NDUFS4: variants seen among roughly 807,000 people sequenced by gnomAD.
The protein encoded by NDUFS4 is NADH dehydrogenase [ubiquinone] iron-sulfur protein 4, mitochondrial.
A neutral mutation model predicts 24.3 loss-of-function variants in NDUFS4; 28 were observed. That is an observed-to-expected ratio of 1.15 (90% CI 0.85 to 1.58). The LOEUF is 1.58. Among genes scored for constraint, NDUFS4 ranks in the 40% most tolerant of loss-of-function variants. NDUFS4 has a pLI of 0.00. For synonymous variants in NDUFS4, 93 were observed against 69.7 expected (o/e 1.34, Z -1.67); for missense variants, 223 against 207.9 (o/e 1.07, Z -0.45).
At chr5:53,585,746 A>G (rs1387713497) in intron 1 of NDUFS4, among the ~76,000 whole-genome samples, 3 of 151,198 alleles carry the variant, frequency 2.0e-5, no homozygotes, top group African/African-American at 4.9e-5. Flanking sequence ...CCGTCTCAAA[A>G]AAAAAAAAAA....
intron 1 of NDUFS4, among the ~76,000 whole-genome samples, chr5:53,585,188 T>C (rs1474713463): frequency 6.6e-6 from 1 of 152,222 alleles, no homozygotes; most frequent in Non-Finnish European, 1.5e-5. Flanking sequence ...GTTCTGTGAT[T>C]AAAAGCAAAT....
At chr5:53,627,737 C>G (rs1751275062) in intron 2 of NDUFS4, among the ~76,000 whole-genome samples, 1 of 152,138 alleles carries the variant, frequency 6.6e-6, no homozygotes, top group African/African-American at 2.4e-5. Context: ...ATTTTGTATC[C>G]TGAGACTTTG....
chr5:53,632,279 G>A (rs1182639365), intron 2 of NDUFS4, among the ~76,000 whole-genome samples: 1 of 152,188 alleles, frequency 6.6e-6, no homozygotes, highest in Non-Finnish European at 1.5e-5. Flanking sequence ...TGTTTCAGCA[G>A]TCTACTACTG....
At chr5:53,621,610 A>G (rs1314152631) in intron 2 of NDUFS4, among the ~76,000 whole-genome samples, 1 of 150,770 alleles carries the variant, frequency 6.6e-6, no homozygotes, top group Non-Finnish European at 1.5e-5. Context: ...TTAAAACAGT[A>G]CTTCCACTTG....
At chr5:53,580,667 C>G (rs1224619849) in intron 1 of NDUFS4, among the ~76,000 whole-genome samples, 1 of 107,110 alleles carries the variant, frequency 9.3e-6, no homozygotes, top group East Asian at 2.7e-4. Flanking sequence ...CTTTCTCTCT[C>G]TTTCTTTCTT....
intron 2 of NDUFS4, among the ~76,000 whole-genome samples, chr5:53,623,159 A>G (rs896777238): frequency 2.6e-5 from 4 of 152,204 alleles, no homozygotes; most frequent in South Asian, 2.1e-4. Context: ...TGGATCATGT[A>G]GTTATTATAC....
At chr5:53,606,954 T>G in intron 2 of NDUFS4, among the ~76,000 whole-genome samples, 1 of 152,260 alleles carries the variant, frequency 6.6e-6, no homozygotes, top group East Asian at 1.9e-4. Flanking sequence ...ACTGTTATAT[T>G]GTACTGTTTA....
chr5:53,560,861 C>T (rs147674538), intron 1 of NDUFS4, 101 bp downstream of exon 1: 15 of 1,581,020 alleles, frequency 9.5e-6, no homozygotes, highest in Middle Eastern at 2.1e-4. Context: ...GGAAGGCGTC[C>T]TCTGTTGACC....
chr5:53,646,203 A>T, intron 2 of NDUFS4, 30 bp from the exon 3 acceptor site: 1 of 1,551,208 alleles, frequency 6.4e-7, no homozygotes, highest in Non-Finnish European at 8.9e-7. Context: ...GGCTGTTTGA[A>T]ACGTGTTTTT....
rs1740387965 is a variant in NDUFS4 at position 53,674,382 on chromosome 5, T to TA, written c.425-8735dup. 2.6e-5 allele frequency among the ~76,000 whole-genome samples: 4 copies of TA among 152,202 alleles called. No homozygotes were observed. In the South Asian group the frequency reaches 8.3e-4, roughly 32 times the overall value. ...AAGGCCAGAGAATTATTTTATGGTCTACTTCAAGGTACAAGGGTGGGAGGA... is the reference window on the plus strand; with the variant it reads ...AAGGCCAGAGAATTATTTTATGGTCTAACTTCAAGGTACAAGGGTGGGAGGA... On this transcript the variant is annotated intron_variant, in intron 4 of 4. Coordinates refer to ENST00000296684, the MANE Select transcript of NDUFS4 (RefSeq NM_002495.4).
At chr5:53,616,308 A>G (rs1158415502) in intron 2 of NDUFS4, among the ~76,000 whole-genome samples, 1 of 152,080 alleles carries the variant, frequency 6.6e-6, no homozygotes, top group Non-Finnish European at 1.5e-5. Context: ...TCTCATGCTT[A>G]AGCATATGCC....
rs150399418 is a variant in NDUFS4 at position 53,620,515 on chromosome 5, A to G, written c.177+16985A>G. ...TCACAAATCTCTGTATACTAGGCCA[A>G]TGCATAGCAGTTAGTGCTACAGAAG... On this transcript the variant is annotated intron_variant, in intron 2 of 4. Coordinates refer to ENST00000296684, the MANE Select transcript of NDUFS4 (RefSeq NM_002495.4). Among the ~76,000 whole-genome samples the G allele has an allele frequency of 6.0e-3, 908 of 152,312 alleles. 46 individuals are homozygous for G. Among genetic ancestry groups the G allele is most frequent in the Admixed American group, 0.056 (849 of 15,292 alleles).
chr5:53,622,090 AT>A (rs1321175181), intron 2 of NDUFS4, among the ~76,000 whole-genome samples: 1 of 152,128 alleles, frequency 6.6e-6, no homozygotes, highest in African/African-American at 2.4e-5. Context: ...CAAATTTATC[AT>A]TTTTGTTGCT....
chr5:53,572,961 TTTTTTTTTG>T (rs1160342592), intron 1 of NDUFS4, among the ~76,000 whole-genome samples: 1 of 93,328 alleles, frequency 1.1e-5, no homozygotes, highest in Non-Finnish European at 2.0e-5. Flanking sequence ...TTTTTTGTTT[TTTTTTTTTG>T]TTTTTTTTTT....
Position 53,595,739 on chromosome 5 carries a change from T to C in NDUFS4, c.99-7713T>C, listed in dbSNP as rs538982163. Among the ~76,000 whole-genome samples the C allele has an allele frequency of 1.1e-4, 17 of 152,330 alleles. No individual in the cohort carries two copies. In the South Asian group the frequency reaches 3.3e-3, roughly 30 times the overall value. On this transcript the variant is annotated intron_variant, in intron 1 of 4. Coordinates refer to ENST00000296684, the MANE Select transcript of NDUFS4 (RefSeq NM_002495.4). The stretch of plus-strand genomic sequence containing the variant: ...GTGAACATAATTACCCTTATCCCTC[T>C]TGCACAAATCTTTCTTTAATCTGTT...
intron 1 of NDUFS4, among the ~76,000 whole-genome samples, chr5:53,572,183 G>A (rs1193468957): frequency 6.6e-6 from 1 of 152,174 alleles, no homozygotes; most frequent in Non-Finnish European, 1.5e-5. Context: ...TAAGCTGGGG[G>A]AAACAGCAAA....
intron 1 of NDUFS4, among the ~76,000 whole-genome samples, chr5:53,577,641 C>T (rs1749428315): frequency 1.3e-5 from 2 of 152,006 alleles, no homozygotes; most frequent in Non-Finnish European, 2.9e-5. Context: ...TTGATATTTT[C>T]CCAGGGTTGT....
At chr5:53,603,112 A>G (rs376096571) in intron 1 of NDUFS4, among the ~76,000 whole-genome samples, 1 of 152,246 alleles carries the variant, frequency 6.6e-6, no homozygotes, top group East Asian at 1.9e-4. Context: ...AACAATTGGT[A>G]TAGCTTTGCA....
intron 2 of NDUFS4, among the ~76,000 whole-genome samples, chr5:53,624,809 A>C (rs1049336505): frequency 2.8e-4 from 43 of 152,030 alleles, no homozygotes; most frequent in African/African-American, 9.4e-4. Flanking sequence ...GATGGCTTTT[A>C]TTTCTTTTTC....
Sources: allele counts gnomAD v4.1 joint callset (sites outside exome capture counted in the v4.1 genomes callset), GRCh38; gene constraint gnomAD v4.1.1; transcripts MANE v1.5; gene names NCBI Gene and HGNC (gene_info 2026-07-23, HGNC 2026-07-21).